Variants in DAB1 observed in about 807,000 individuals in gnomAD.
DAB1 encodes the protein disabled homolog 1.
Under a neutral mutation model 64.6 loss-of-function variants are expected in DAB1, and 15 were observed. The observed-to-expected ratio is 0.23, with a 90% CI of 0.16 to 0.36. DAB1 has a LOEUF of 0.36. Ranked by LOEUF, DAB1 falls within the 10% of genes least tolerant of loss-of-function variation. The probability of loss-of-function intolerance (pLI) is 1.00; values close to 1 mark genes in which losing one functional copy is unlikely to be tolerated. For synonymous variants in DAB1, 235 were observed against 251.9 expected, an observed-to-expected ratio of 0.93 and a Z score of 0.64; for missense variants, 596 against 706.7, an observed-to-expected ratio of 0.84 and a Z score of 1.78.
At chr1:57,172,392 C>A (rs950253570) in intron 2 of DAB1, among the ~76,000 whole-genome samples, 1 of 152,272 alleles carries the variant, frequency 6.6e-6, no homozygotes, top group South Asian at 2.1e-4. Flanking sequence ...GACCATGTTT[C>A]TCTTCTTAGT....
intron 3 of DAB1, among the ~76,000 whole-genome samples, chr1:58,344,748 C>A (rs1335971885): frequency 6.6e-6 from 1 of 152,160 alleles, no homozygotes; most frequent in East Asian, 1.9e-4. Context: ...TAACTAACAT[C>A]ACTGAGAGCC....
intron 14 of DAB1, among the ~76,000 whole-genome samples, chr1:56,998,549 A>G (rs1645721063): frequency 1.3e-5 from 2 of 152,350 alleles, no homozygotes; most frequent in African/African-American, 4.8e-5. Flanking sequence ...TGCTAGCAAT[A>G]CATCTTCAGA....
chr1:57,937,904 C>T (rs1260700415), intron 5 of DAB1, among the ~76,000 whole-genome samples: 2 of 152,188 alleles, frequency 1.3e-5, no homozygotes, highest in Non-Finnish European at 1.5e-5. Flanking sequence ...GCCCTAGCTG[C>T]CGGCATGCCT....
At chr1:57,337,948 C>T (rs1476971124) in intron 1 of DAB1, among the ~76,000 whole-genome samples, 1 of 146,856 alleles carries the variant, frequency 6.8e-6, no homozygotes, top group Non-Finnish European at 1.5e-5. Context: ...CTCTTCCTCA[C>T]TCTCTTCTCT....
chr1:57,951,511 A>G (rs1230132577), intron 5 of DAB1, among the ~76,000 whole-genome samples: 1 of 151,896 alleles, frequency 6.6e-6, no homozygotes, highest in East Asian at 1.9e-4. Context: ...ATGTGTTGAA[A>G]TAAGCGATAA....
intron 5 of DAB1, among the ~76,000 whole-genome samples, chr1:57,924,875 A>T (rs564896933): frequency 6.6e-6 from 1 of 152,274 alleles, no homozygotes; most frequent in South Asian, 2.1e-4. Flanking sequence ...AAAAGTTAAC[A>T]AAGTACATAT....
At chr1:57,663,186 A>AAG (rs1646406979) in intron 6 of DAB1, among the ~76,000 whole-genome samples, 1 of 152,138 alleles carries the variant, frequency 6.6e-6, no homozygotes, top group Admixed American at 6.5e-5. Flanking sequence ...GAGAAGAAGG[A>AAG]AGAGAGAGAA....
At chr1:57,375,977 C>T (rs1372462742) in intron 1 of DAB1, among the ~76,000 whole-genome samples, 3 of 152,114 alleles carry the variant, frequency 2.0e-5, no homozygotes, top group Admixed American at 6.5e-5. Context: ...TGCAGAGACA[C>T]GGACACAGAC....
At chr1:57,444,337 A>G (rs78705100) in intron 7 of DAB1, among the ~76,000 whole-genome samples, 15,774 of 152,244 alleles carry the variant, frequency 0.1, 1,004 homozygotes, top group Non-Finnish European at 0.15. Flanking sequence ...GTTTATTACT[A>G]TATAAAAAGA....
At chr1:58,424,969 T>C (rs776129824) in intron 3 of DAB1, among the ~76,000 whole-genome samples, 1 of 152,102 alleles carries the variant, frequency 6.6e-6, no homozygotes, top group Non-Finnish European at 1.5e-5. Flanking sequence ...ATGTTTTCCA[T>C]AGGATACTAG....
At position 58,215,401 on chromosome 1, in the gene DAB1, GTTTT is replaced by G. The variant is rs57757954; in HGVS notation, n.310-64817_310-64814del. Among the ~76,000 whole-genome samples, 200 of 145,776 alleles carry G rather than the reference GTTTT, an allele frequency of 1.4e-3. 1 individual carries two copies. The highest frequency in any genetic ancestry group is 4.6e-3 in the African/African-American group (180 of 39,286). On this transcript the variant is annotated intron_variant and non_coding_transcript_variant, in intron 4 of 20. Coordinates refer to the DAB1 transcript ENST00000485760. ...AATCTCTGGTCCACTCCATGATAGTGTTTTTTTTTTTTTTTTTACCGTATTAATA... is the reference window on the plus strand; with the variant it reads ...AATCTCTGGTCCACTCCATGATAGTGTTTTTTTTTTTTTACCGTATTAATA...
At chr1:58,168,448 C>T (rs1655982856) in intron 4 of DAB1, among the ~76,000 whole-genome samples, 2 of 152,108 alleles carry the variant, frequency 1.3e-5, no homozygotes, top group Admixed American at 1.3e-4. Context: ...GACAAACTTC[C>T]TCTCGTCTCT....
chr1:58,322,359 C>T (rs1311169708), intron 4 of DAB1, among the ~76,000 whole-genome samples: 5 of 152,060 alleles, frequency 3.3e-5, no homozygotes, highest in Non-Finnish European at 7.4e-5. Context: ...GGGCTAATAT[C>T]CAGAATCTAC....
intron 6 of DAB1, among the ~76,000 whole-genome samples, chr1:57,806,955 T>C (rs1387936817): frequency 6.6e-6 from 1 of 152,228 alleles, no homozygotes; most frequent in African/African-American, 2.4e-5. Flanking sequence ...TGTTGCTGAA[T>C]TCTTAGCACA....
At chr1:58,025,241 C>T (rs1332635021) in intron 5 of DAB1, among the ~76,000 whole-genome samples, 2 of 151,972 alleles carry the variant, frequency 1.3e-5, no homozygotes, top group African/African-American at 2.4e-5. Context: ...TCTTATGTTG[C>T]TGGAAGTGTT....
Position 57,436,349 on chromosome 1 carries a change from A to G in DAB1, n.626-145183T>C, listed in dbSNP as rs1368765404. On this transcript the variant is annotated intron_variant and non_coding_transcript_variant, in intron 7 of 20. Transcript: ENST00000485760. ...TTTTTCAGCTCCGTTACAATCTTAT[A>G]GGACCATCATCATATGACGGATCAA... Among the ~76,000 whole-genome samples, 3 of 152,314 alleles carry G rather than the reference A, an allele frequency of 2.0e-5. No homozygotes were observed. In the East Asian group the frequency reaches 5.8e-4, roughly 29 times the overall value.
intron 9 of DAB1, among the ~76,000 whole-genome samples, chr1:57,062,004 T>C (rs1454006230): frequency 6.6e-6 from 1 of 152,222 alleles, no homozygotes; most frequent in Non-Finnish European, 1.5e-5. Context: ...CAAAGTCACA[T>C]GTGCCCCCTG....
At chr1:57,130,835 G>A (rs1300953611) in intron 4 of DAB1, among the ~76,000 whole-genome samples, 1 of 152,218 alleles carries the variant, frequency 6.6e-6, no homozygotes, top group African/African-American at 2.4e-5. Context: ...TGCATTTCTG[G>A]AAAATTCGGT....
At chr1:57,108,260 G>C (rs2100714339) in intron 4 of DAB1, among the ~76,000 whole-genome samples, 1 of 152,236 alleles carries the variant, frequency 6.6e-6, no homozygotes, top group Non-Finnish European at 1.5e-5. Context: ...GTTAAATTCG[G>C]TAAGGAGAAA....
Sources: gnomAD v4.1 joint callset for allele counts (sites outside exome capture counted in the v4.1 genomes callset) on GRCh38, gnomAD v4.1.1 for gene constraint, MANE v1.5 for transcripts, NCBI Gene and HGNC (gene_info 2026-07-23, HGNC 2026-07-21) for gene names.